Variants in CCDC3 observed in about 807,000 individuals in gnomAD.
CCDC3 encodes the protein coiled-coil domain-containing protein 3.
In CCDC3, 24 loss-of-function variants were observed where a neutral mutation model predicts 21.4. That is an observed-to-expected ratio of 1.12 (90% CI 0.81 to 1.58). The LOEUF (loss-of-function observed/expected upper bound fraction) is 1.58. CCDC3 is among the 40% of genes most tolerant of loss of function. CCDC3 has a pLI of 0.00. For missense variants in CCDC3, 425 were observed against 360.9 expected (o/e 1.18, Z -1.44); for synonymous variants, 186 against 166.0 (o/e 1.12, Z -0.93).
chr10:12,999,226 G>C (rs936500493), intron 1 of CCDC3, among the ~76,000 whole-genome samples: 1 of 152,182 alleles, frequency 6.6e-6, no homozygotes, highest in South Asian at 2.1e-4. Context: ...GGTGACAAGA[G>C]TGAGACGCCA....
chr10:12,975,111 G>T (rs557091149), intron 2 of CCDC3, among the ~76,000 whole-genome samples: 3 of 152,182 alleles, frequency 2.0e-5, no homozygotes, highest in Non-Finnish European at 4.4e-5. Context: ...CACTAGGTAG[G>T]GTTTTCTGGC....
intron 5 of CCDC3, among the ~76,000 whole-genome samples, chr10:13,022,621 C>A (rs1195841833): frequency 1.3e-5 from 2 of 152,140 alleles, no homozygotes; most frequent in African/African-American, 2.4e-5. Flanking sequence ...TTGCCCCAAC[C>A]TAATGCAAGG....
intron 2 of CCDC3, among the ~76,000 whole-genome samples, chr10:12,988,614 G>T (rs1041062871): frequency 6.6e-6 from 1 of 152,092 alleles, no homozygotes; most frequent in East Asian, 1.9e-4. Flanking sequence ...GAAGTGTCAG[G>T]ATTACAGGCA....
At chr10:12,916,293 A>G (rs914033896) in intron 2 of CCDC3, among the ~76,000 whole-genome samples, 20 of 152,236 alleles carry the variant, frequency 1.3e-4, no homozygotes, top group South Asian at 8.3e-4. Context: ...TTAGCTGGGC[A>G]TGGTGGTGCA....
chr10:13,040,618 A>G (rs1836440831), intron 5 of CCDC3, among the ~76,000 whole-genome samples: 1 of 151,616 alleles, frequency 6.6e-6, no homozygotes, highest in Admixed American at 6.6e-5. Flanking sequence ...TGAACCTGGG[A>G]GGCAGAGGTT....
intron 2 of CCDC3, among the ~76,000 whole-genome samples, chr10:12,900,743 A>T (rs114252045): frequency 0.012 from 1,878 of 151,420 alleles, 37 homozygotes; most frequent in African/African-American, 0.043. Context: ...CTACACTGCA[A>T]TATGATGGTG....
chr10:12,977,461 A>AC lies in CCDC3; in HGVS notation c.549+20876dup, dbSNP rs1390308361. Reference sequence around the variant, plus strand: ...CTCAAAGGAAGAGAACAAACCCCCGACCCCATAAAAGCTATTAATAGTAGC... The same window carrying AC: ...CTCAAAGGAAGAGAACAAACCCCCGACCCCCATAAAAGCTATTAATAGTAGC... On this transcript the variant is annotated intron_variant, in intron 2 of 2. Transcript: ENST00000378825. 2.0e-5 allele frequency among the ~76,000 whole-genome samples: 3 copies of AC among 152,236 alleles called. No homozygotes were observed. In the South Asian group the frequency reaches 6.2e-4, roughly 32 times the overall value.
intron 2 of CCDC3, among the ~76,000 whole-genome samples, chr10:12,963,576 C>T (rs927283590): frequency 5.0e-4 from 58 of 116,258 alleles, no homozygotes; most frequent in Admixed American, 6.0e-4. Flanking sequence ...TTTTGTTTTC[C>T]GGGTTTTTTT....
intron 2 of CCDC3, among the ~76,000 whole-genome samples, chr10:12,989,569 G>A (rs557059817): frequency 3.3e-5 from 5 of 152,128 alleles, no homozygotes; most frequent in South Asian, 2.1e-4. Context: ...TTACAGGCAC[G>A]TGCCACCACA....
chr10:12,935,865 T>C (rs1273343576), intron 2 of CCDC3, among the ~76,000 whole-genome samples: 1 of 152,184 alleles, frequency 6.6e-6, no homozygotes, highest in Non-Finnish European at 1.5e-5. Context: ...ACTACACTGC[T>C]TCACAGGTGG....
rs1837044181 is a variant in CCDC3 at position 13,081,926 on chromosome 10, T to C, written c.-502-7826A>G. Among the ~76,000 whole-genome samples the C allele has an allele frequency of 2.0e-5, 3 of 152,350 alleles. No homozygotes were observed. The South Asian group carries it at 6.2e-4, about 32-fold the overall frequency. Reference sequence around the variant, plus strand: ...GACATGGACTTCCTGGTAGCTCTTTTTCAAAATCCTACAGCCTGTGACAGT... The same window carrying C: ...GACATGGACTTCCTGGTAGCTCTTTCTCAAAATCCTACAGCCTGTGACAGT... On this transcript the variant is annotated intron_variant, in intron 3 of 6. Coordinates refer to the CCDC3 transcript ENST00000378839.
chr10:13,051,729 G>T (rs1836610118), intron 4 of CCDC3, among the ~76,000 whole-genome samples: 2 of 152,142 alleles, frequency 1.3e-5, no homozygotes, highest in African/African-American at 4.8e-5. Flanking sequence ...GGAGGACTGG[G>T]GGTGGTATGC....
chr10:13,001,642 C>A lies in CCDC3; in HGVS notation c.-72G>T. The A allele has an allele frequency of 9.9e-7, 1 of 1,012,170 alleles. No homozygotes were observed. 62.7% of individuals were successfully genotyped at this position (1,012,170 alleles called of 1,614,324 possible). ...AGCCCGCCGGCCCGGGAAGGGCAGC[C>A]CTGGGCGCTCGGCTGCTCGGGCCGC... On this transcript the variant is annotated 5_prime_UTR_variant, in exon 1 of 3. Coordinates refer to ENST00000378825, the MANE Select transcript of CCDC3 (RefSeq NM_031455.4).
At chr10:12,939,137 C>T (rs778197372) in intron 2 of CCDC3, among the ~76,000 whole-genome samples, 6 of 151,994 alleles carry the variant, frequency 3.9e-5, no homozygotes, top group African/African-American at 1.2e-4. Flanking sequence ...TAGCCTTTAA[C>T]GCTTTCCTAT....
At chr10:12,926,185 A>G (rs1032320705) in intron 2 of CCDC3, among the ~76,000 whole-genome samples, 3 of 152,214 alleles carry the variant, frequency 2.0e-5, no homozygotes, top group African/African-American at 7.2e-5. Flanking sequence ...GCTGGAGGAC[A>G]CAGGTGGAGT....
At chr10:12,918,188 G>A (rs1834387994) in intron 2 of CCDC3, among the ~76,000 whole-genome samples, 1 of 152,102 alleles carries the variant, frequency 6.6e-6, no homozygotes, top group South Asian at 2.1e-4. Context: ...ACCTTGTCCT[G>A]TTTAGCTATG....
At chr10:13,026,654 T>A (rs1326775819) in intron 5 of CCDC3, among the ~76,000 whole-genome samples, 4 of 152,192 alleles carry the variant, frequency 2.6e-5, no homozygotes, top group Non-Finnish European at 5.9e-5. Context: ...TCTCAACTAA[T>A]CCTTGATGAA....
intron 4 of CCDC3, among the ~76,000 whole-genome samples, chr10:13,066,552 A>C (rs999365931): frequency 5.9e-5 from 9 of 152,246 alleles, no homozygotes; most frequent in African/African-American, 9.6e-5. Flanking sequence ...TTGTGAGATC[A>C]CTGGAATTAA....
intron 2 of CCDC3, among the ~76,000 whole-genome samples, chr10:12,900,650 C>T (rs1280428471): frequency 7.0e-6 from 1 of 143,598 alleles, no homozygotes; most frequent in Non-Finnish European, 1.5e-5. Flanking sequence ...GAGATCGCGC[C>T]ACTGCACTCC....
Sources: allele counts gnomAD v4.1 joint callset (sites outside exome capture counted in the v4.1 genomes callset), GRCh38; gene constraint gnomAD v4.1.1; transcripts MANE v1.5; gene names NCBI Gene and HGNC (gene_info 2026-07-23, HGNC 2026-07-21).